HMCN1: variants seen among roughly 807,000 people sequenced by gnomAD.
The protein encoded by HMCN1 is hemicentin 1.
HMCN1 carries 321 observed loss-of-function variants against 625.9 expected under a neutral mutation model. The ratio of observed to expected loss-of-function variants is 0.51; its 90% CI spans 0.47 to 0.56. The LOEUF is 0.56. Ranked by LOEUF, HMCN1 falls within the 20% of genes least tolerant of loss-of-function variation. The pLI is 0.00. For missense variants in HMCN1, 6,588 were observed against 6,887.3 expected (o/e 0.96, Z 1.54); for synonymous variants, 2,425 against 2,417.6 (o/e 1.00, Z -0.09).
rs972310137 is a variant in HMCN1 at position 186,106,943 on chromosome 1, G to C, written c.10830G>C (p.Lys3610Asn). The change falls in exon 70 of 107, where the codon AAG becomes AAC. Residue 3610 changes from lysine (K) to asparagine (N), a missense_variant. By Grantham distance (94) the Lys-to-Asn change is moderately conservative. Transcript: ENST00000271588. ...LASSPAGDDD[K>N]EYLVRVHVPP... ...CCAGTCCTGCAGGAGATGATGATAAGGAATATCTAGTGAGAGTGCATGGTA... is the reference window on the plus strand; with the variant it reads ...CCAGTCCTGCAGGAGATGATGATAACGAATATCTAGTGAGAGTGCATGGTA... 9.9e-6 allele frequency: 16 copies of C among 1,610,780 alleles called. No individual in the cohort carries two copies. The highest frequency in any genetic ancestry group is 1.4e-5 in the Non-Finnish European group (16 of 1,177,016).
chr1:185,811,591 G>C (rs1047231064), intron 1 of HMCN1, among the ~76,000 whole-genome samples: 1 of 151,782 alleles, frequency 6.6e-6, no homozygotes, highest in Non-Finnish European at 1.5e-5. Context: ...GCAAGACCCT[G>C]TCTCTTGAAA....
intron 4 of HMCN1, among the ~76,000 whole-genome samples, chr1:185,892,364 T>A (rs1665159537): frequency 6.6e-6 from 1 of 152,060 alleles, no homozygotes; most frequent in South Asian, 2.1e-4. Context: ...GGAGCTGCCT[T>A]CCTTTGGAGG....
chr1:186,061,627 C>T (rs1558186305), intron 46 of HMCN1, among the ~76,000 whole-genome samples: 1 of 152,120 alleles, frequency 6.6e-6, no homozygotes, highest in East Asian at 1.9e-4. Context: ...TGTCACCTAA[C>T]ATTATATTTA....
rs1295939964 is a variant in HMCN1 at position 185,779,487 on chromosome 1, A to G, written c.268+44440A>G. On this transcript the variant is annotated intron_variant, in intron 1 of 106. Coordinates refer to ENST00000271588, the MANE Select transcript of HMCN1 (RefSeq NM_031935.3). ...GAGTTTTTATGGTTTTAGGTCTAAC[A>G]TTTAAGTCTTTAATCCATCTTGAAT... is the stretch of plus-strand genomic sequence containing the variant. Among the ~76,000 whole-genome samples the G allele has an allele frequency of 3.9e-5, 6 of 152,306 alleles. No individual in the cohort carries two copies. In the South Asian group the frequency reaches 6.2e-4, roughly 16 times the overall value.
At chr1:185,989,772 A>ATTTTT (rs1156913510) in intron 21 of HMCN1, 125 bp downstream of exon 21, 11 of 536,060 alleles carry the variant, frequency 2.1e-5, no homozygotes, top group African/African-American at 2.2e-5. Flanking sequence ...CCAGATTTCT[A>ATTTTT]TTTTTTTTTT....
intron 9 of HMCN1, 60 bp downstream of exon 9, chr1:185,925,251 C>T (rs975118989): frequency 3.4e-6 from 5 of 1,480,224 alleles, no homozygotes; most frequent in Admixed American, 1.7e-5. Context: ...TATAAATAGA[C>T]TATTATTGCA....
intron 68 of HMCN1, among the ~76,000 whole-genome samples, chr1:186,101,036 C>T (rs1343745596): frequency 2.0e-5 from 3 of 152,120 alleles, no homozygotes; most frequent in Non-Finnish European, 4.4e-5. Flanking sequence ...ACTCCATCCA[C>T]TCCATCTACT....
chr1:185,973,173 C>T (rs530149301), intron 15 of HMCN1, among the ~76,000 whole-genome samples: 1 of 152,204 alleles, frequency 6.6e-6, no homozygotes, highest in South Asian at 2.1e-4. Flanking sequence ...AGACATCATC[C>T]TAACGTACAC....
chr1:185,859,475 T>C (rs987218455), intron 2 of HMCN1, among the ~76,000 whole-genome samples: 4 of 152,168 alleles, frequency 2.6e-5, no homozygotes, highest in African/African-American at 9.6e-5. Context: ...TATTTTGATA[T>C]GTTATCAATA....
In HMCN1 at chr1:185,939,790, T is replaced by C. The variant is rs147358500; in HGVS notation, c.1828+5966T>C. On this transcript the variant is annotated intron_variant, in intron 11 of 106. Transcript: ENST00000271588. The stretch of plus-strand genomic sequence containing the variant: ...AAATAATTGAAAAAATAAAAGACAG[T>C]TTAAAAATAAGAAATAACTAAGAAC... 9.2e-4 allele frequency among the ~76,000 whole-genome samples: 140 copies of C among 152,184 alleles called. 3 individuals are homozygous for C. In the East Asian group the frequency reaches 0.024, roughly 26 times the overall value.
chr1:185,776,905 GTTATA>G (rs1656652230), intron 1 of HMCN1, among the ~76,000 whole-genome samples: 1 of 152,042 alleles, frequency 6.6e-6, no homozygotes, highest in Non-Finnish European at 1.5e-5. Flanking sequence ...ATTACATTTT[GTTATA>G]TTATTTATTG....
At chr1:185,835,991 C>G (rs752587162) in intron 1 of HMCN1, among the ~76,000 whole-genome samples, 1 of 151,986 alleles carries the variant, frequency 6.6e-6, no homozygotes, top group Non-Finnish European at 1.5e-5. Flanking sequence ...TTAAAAGAGA[C>G]GAAAGCTTGA....
chr1:185,887,576 C>T (rs1341623697), intron 4 of HMCN1, among the ~76,000 whole-genome samples: 14 of 150,642 alleles, frequency 9.3e-5, no homozygotes, highest in Non-Finnish European at 1.6e-4. Context: ...TTTGTTCTTG[C>T]GATAGTTTAC....
intron 103 of HMCN1, among the ~76,000 whole-genome samples, chr1:186,175,673 C>G (rs1652519043): frequency 6.6e-6 from 1 of 151,920 alleles, no homozygotes; most frequent in African/African-American, 2.4e-5. Flanking sequence ...GGATCTCAGA[C>G]ATTGTGCTAG....
rs371120895 is a variant in HMCN1, at chr1:186,087,596, A to C, written c.9314A>C (p.His3105Pro). The change falls in exon 60 of 107, where the codon CAT becomes CCT. Residue 3105 changes from histidine to proline, a missense_variant. Around this residue, in one of 3 missense-constraint regions of HMCN1, gnomAD observed 4,628 missense variants for 4,853.1 expected, o/e 0.95. Transcript: ENST00000271588. The stretch of plus-strand genomic sequence containing the variant: ...GGGCGGATGATAACAGAGTCTACTC[A>C]TGTGGAGATTTTAGCTGATGGACAA... ...KNGRMITEST[H>P]VEILADGQML... 3.7e-6 allele frequency: 6 copies of C among 1,613,170 alleles called. No homozygotes were observed. In the African/African-American group the frequency reaches 8.0e-5, roughly 22 times the overall value.
intron 18 of HMCN1, among the ~76,000 whole-genome samples, chr1:185,982,734 C>A (rs1437249617): frequency 1.3e-5 from 2 of 152,246 alleles, no homozygotes; most frequent in Admixed American, 1.3e-4. Context: ...AACCACCACA[C>A]CTGGCCCACA....
chr1:185,864,646 C>T lies in HMCN1; in HGVS notation c.498+18C>T, dbSNP rs746084860. The T allele has an allele frequency of 6.2e-6, 10 of 1,612,794 alleles. No homozygotes were observed. Among genetic ancestry groups the T allele is most frequent in the Non-Finnish European group, 8.5e-6 (10 of 1,179,040 alleles). Reference sequence around the variant, plus strand: ...AGTCACAAGTGAGTAAGAATCAACCCCAAACGTCTCTGTCTAAATGCAGTA... The same window carrying T: ...AGTCACAAGTGAGTAAGAATCAACCTCAAACGTCTCTGTCTAAATGCAGTA... On this transcript the variant is annotated intron_variant, in intron 3 of 106. Coordinates refer to ENST00000271588, the MANE Select transcript of HMCN1 (RefSeq NM_031935.3).
intron 91 of HMCN1, 83 bp downstream of exon 91, chr1:186,144,786 G>A (rs925058903): frequency 1.0e-4 from 153 of 1,516,814 alleles, no homozygotes; most frequent in Middle Eastern, 1.7e-4. Flanking sequence ...GCAATATTCC[G>A]TTATTTGGTT....
At chr1:185,909,882 TC>T in intron 5 of HMCN1, among the ~76,000 whole-genome samples, 2 of 152,252 alleles carry the variant, frequency 1.3e-5, no homozygotes, top group African/African-American at 4.8e-5. Context: ...ACCAAGTAAC[TC>T]TTAAAATAAC....
Sources: allele counts gnomAD v4.1 joint callset (sites outside exome capture counted in the v4.1 genomes callset), GRCh38; gene constraint gnomAD v4.1.1; regional missense constraint gnomAD v4.1.1; transcripts MANE v1.5; gene names NCBI Gene and HGNC (gene_info 2026-07-23, HGNC 2026-07-21).